The following DNAH2 variants were observed in gnomAD, a reference collection of about 807,000 sequenced individuals.
DNAH2 encodes axonemal beta dynein heavy chain 2.
Under a neutral mutation model 523.5 loss-of-function variants are expected in DNAH2, and 323 were observed. The observed-to-expected ratio is 0.62, with a 90% CI of 0.56 to 0.68. The LOEUF (loss-of-function observed/expected upper bound fraction) is 0.68, where lower values mean the gene tolerates loss of function less well. Ranked by LOEUF, DNAH2 falls within the 30% of genes least tolerant of loss-of-function variation. The probability of loss-of-function intolerance (pLI) is 0.00; values close to 1 mark genes in which losing one functional copy is unlikely to be tolerated. For missense variants in DNAH2, 4,907 were observed against 5,701.5 expected (o/e 0.86, Z 4.49); for synonymous variants, 2,093 against 2,177.4 (o/e 0.96, Z 1.08).
intron 4 of DNAH2, among the ~76,000 whole-genome samples, chr17:7,728,764 C>A (rs1353445196): frequency 6.6e-6 from 1 of 152,124 alleles, no homozygotes; most frequent in Non-Finnish European, 1.5e-5. Flanking sequence ...GCAGGCTGAT[C>A]GCTTGAGCCT....
At chr17:7,764,609 C>T (rs1424474298) in intron 20 of DNAH2, among the ~76,000 whole-genome samples, 2 of 151,280 alleles carry the variant, frequency 1.3e-5, no homozygotes, top group Admixed American at 6.6e-5. Flanking sequence ...CACAGGCACA[C>T]GCCACCACGC....
At chr17:7,768,324 A>G (rs935973831) in intron 24 of DNAH2, 57 bp downstream of exon 24, 146 of 1,571,646 alleles carry the variant, frequency 9.3e-5, no homozygotes, top group Non-Finnish European at 1.2e-4. Context: ...CTGCGCCACC[A>G]CTTGGTCCCT....
chr17:7,765,680 G>A (rs946789422), intron 21 of DNAH2, 115 bp downstream of exon 21: 1 of 1,245,996 alleles, frequency 8.0e-7, no homozygotes, highest in East Asian at 2.4e-5. Context: ...TCGGTGCTGG[G>A]GTGGGGGAAG....
chr17:7,765,417 C>G lies in DNAH2; in HGVS notation c.3363C>G (p.Asn1121Lys), dbSNP rs201677291. The change falls in exon 21 of 86, where the codon AAC (asparagine) becomes AAG (lysine). Residue 1121 changes from asparagine to lysine, a missense_variant. This residue lies in a region of DNAH2 where 2,806 missense variants were observed against 3,190.8 expected (regional missense o/e 0.88). Transcript: ENST00000572933. ...DSVLEMLDSL[N>K]GEWVVFQQTL... is the part of the protein sequence containing the mutation. Reference sequence around the variant, plus strand: ...TCCTGGAGATGCTGGACAGTCTCAACGGGGAGTGGGTTGTCTTCCAACAAA... The same window carrying G: ...TCCTGGAGATGCTGGACAGTCTCAAGGGGGAGTGGGTTGTCTTCCAACAAA... The G allele has an allele frequency of 7.4e-6, 12 of 1,613,634 alleles. 1 individual carries two copies. The highest frequency in any genetic ancestry group is 1.6e-4 in the Middle Eastern group (1 of 6,080).
chr17:7,831,833 GC>G lies in DNAH2; in HGVS notation c.12726+64del, dbSNP rs997576675. ...CAATGAGCTCCCCTCTCAATCCTGGGCCCCCCAATCTCCTGGTTCTAGGTGG... is the reference window on the plus strand; with the variant it reads ...CAATGAGCTCCCCTCTCAATCCTGGGCCCCCAATCTCCTGGTTCTAGGTGG... On this transcript the variant is annotated intron_variant, in intron 82 of 85. Transcript: ENST00000572933. The surrounding 1 kb of genome is among the most constrained non-coding windows in gnomAD (Gnocchi z 4.2). 108 of 1,504,210 alleles carry G rather than the reference GC, an allele frequency of 7.2e-5. No individual in the cohort carries two copies. The African/African-American group carries it at 1.2e-3, about 16-fold the overall frequency. 93.2% of individuals were successfully genotyped at this position (1,504,210 alleles called of 1,614,324 possible).
intron 53 of DNAH2, 34 bp downstream of exon 53, chr17:7,797,863 C>A (rs1324468961): frequency 3.8e-6 from 6 of 1,583,796 alleles, no homozygotes. Context: ...CCTTCCCCAT[C>A]ATCTCAGTGA....
chr17:7,732,942 G>C (rs113498896), intron 4 of DNAH2, 145 bp from the exon 5 acceptor site: 42 of 724,228 alleles, frequency 5.8e-5, no homozygotes, highest in African/African-American at 3.2e-4. Context: ...TCCGTGAAAA[G>C]AACAGGAAGC....
At chr17:7,736,339 G>T (rs1172289176) in intron 7 of DNAH2, among the ~76,000 whole-genome samples, 3 of 152,224 alleles carry the variant, frequency 2.0e-5, no homozygotes, top group Non-Finnish European at 2.9e-5. Flanking sequence ...CTAACTGGAG[G>T]AGCCTAAAGC....
chr17:7,820,746 T>C (rs1161618326), intron 72 of DNAH2, among the ~76,000 whole-genome samples: 1 of 152,056 alleles, frequency 6.6e-6, no homozygotes, highest in African/African-American at 2.4e-5. Flanking sequence ...GAATGACTAA[T>C]TATGAGTGAA....
At chr17:7,816,118 G>C (rs2077658373) in intron 63 of DNAH2, among the ~76,000 whole-genome samples, 1 of 152,136 alleles carries the variant, frequency 6.6e-6, no homozygotes, top group Admixed American at 6.5e-5. Flanking sequence ...GTCTCGAATG[G>C]ACTCTCCCTC....
chr17:7,748,522 G>T (rs2075579414), intron 12 of DNAH2, among the ~76,000 whole-genome samples: 2 of 152,138 alleles, frequency 1.3e-5, no homozygotes, highest in Non-Finnish European at 2.9e-5. Flanking sequence ...TTGAGACAAG[G>T]TCTCACTGTG....
chr17:7,802,115 A>G, intron 58 of DNAH2, 98 bp downstream of exon 58: 6 of 1,499,758 alleles, frequency 4.0e-6, no homozygotes, highest in Non-Finnish European at 5.4e-6. Flanking sequence ...AGAGACACAA[A>G]GGCCACAGTT....
rs1325517226 is a variant in DNAH2 at position 7,827,647 on chromosome 17, T to A, written c.11854-2653T>A. On this transcript the variant is annotated intron_variant, in intron 77 of 85. Coordinates refer to ENST00000572933, the MANE Select transcript of DNAH2 (RefSeq NM_020877.5). ...TTTTTGTAGAGACGGGGTTTCACCA[T>A]GTTGACCAGGCTGGTCTCGAACTTC... Among the ~76,000 whole-genome samples the A allele has an allele frequency of 2.6e-5, 4 of 152,026 alleles. No individual in the cohort carries two copies. The South Asian group carries it at 8.3e-4, about 31-fold the overall frequency.
rs1388435581 is a variant in DNAH2, at chr17:7,734,629, T to C, written c.899T>C (p.Val300Ala). ...GISKQLVKKGVKHVESILHLA... is the reference protein window; with the variant it reads ...GISKQLVKKGAKHVESILHLA... ...AGTAAGCAGCTGGTGAAGAAGGGAG[T>C]GAAGCACGTTGAATCCATCCTGCAC... is the stretch of plus-strand genomic sequence containing the variant. Residue 300 changes from valine (V) to alanine (A), a missense_variant, in exon 7 of 86, where the codon GTG becomes GCG. Around this residue, in one of 3 missense-constraint regions of DNAH2, gnomAD observed 2,806 missense variants for 3,190.8 expected, o/e 0.88. Coordinates refer to ENST00000572933, the MANE Select transcript of DNAH2 (RefSeq NM_020877.5). 1 of 1,612,118 alleles carries C rather than the reference T, an allele frequency of 6.2e-7. No homozygotes were observed. The highest frequency in any genetic ancestry group is 8.5e-7 in the Non-Finnish European group (1 of 1,179,760).
intron 58 of DNAH2, among the ~76,000 whole-genome samples, chr17:7,803,664 C>T (rs1300833843): frequency 1.3e-5 from 2 of 148,814 alleles, no homozygotes; most frequent in Non-Finnish European, 3.0e-5. Flanking sequence ...ATCGAGACTC[C>T]GTCTCAAAAA....
intron 63 of DNAH2, among the ~76,000 whole-genome samples, chr17:7,812,924 C>T (rs577517856): frequency 7.0e-4 from 105 of 150,644 alleles, no homozygotes; most frequent in African/African-American, 2.4e-3. Context: ...GCACTCCAGC[C>T]TGAGTGACAA....
chr17:7,723,648 C>G lies in DNAH2; in HGVS notation c.187C>G (p.Gln63Glu). 6.2e-7 allele frequency: 1 copy of G among 1,614,024 alleles called. No individual in the cohort carries two copies. Among genetic ancestry groups the G allele is most frequent in the Non-Finnish European group, 8.5e-7 (1 of 1,179,988 alleles). ...EEPEPRLEGP[Q>E]AQSEESVEPE... ...CCTAGAGCCACGGTTGGAGGGACCT[C>G]AAGCACAGAGTGAAGAATCAGTGGA... The change falls in exon 3 of 86, where the codon CAA (glutamine) becomes GAA (glutamate). Residue 63 changes from glutamine (Q) to glutamate (E), a missense_variant. Physicochemically the swap from Gln to Glu is conservative, Grantham distance 29 (BLOSUM62 2). Transcript: ENST00000572933.
At position 7,759,625 on chromosome 17, in the gene DNAH2, G is replaced by A. The variant is rs1399281864; in HGVS notation, c.2637+15G>A. The A allele has an allele frequency of 6.2e-7, 1 of 1,610,246 alleles. No individual in the cohort carries two copies. Among genetic ancestry groups the A allele is most frequent in the Non-Finnish European group, 8.5e-7 (1 of 1,177,966 alleles). On this transcript the variant is annotated intron_variant, in intron 16 of 85. Coordinates refer to ENST00000572933, the MANE Select transcript of DNAH2 (RefSeq NM_020877.5). ...GTGTGGCACAGGTAAGAACCACTTT[G>A]CCCCCAACATCTCAAAACCATTGCA...
At position 7,807,900 on chromosome 17, in the gene DNAH2, C is replaced by G. The variant is rs1597727348; in HGVS notation, c.9729+314C>G. On this transcript the variant is annotated intron_variant, in intron 63 of 85. Coordinates refer to ENST00000572933, the MANE Select transcript of DNAH2 (RefSeq NM_020877.5). The surrounding 1 kb of genome is among the most constrained non-coding windows in gnomAD (Gnocchi z 5.6). ...CGCCTGAGATATTAACTGATGACAT[C>G]TGCGTGGCAAATTGGTCTTTGCCAG... 1.3e-5 allele frequency among the ~76,000 whole-genome samples: 2 copies of G among 152,194 alleles called. No homozygotes were observed. The highest frequency in any genetic ancestry group is 3.8e-4 in the East Asian group (2 of 5,196).
Sources: gnomAD v4.1 joint callset for allele counts (sites outside exome capture counted in the v4.1 genomes callset) on GRCh38, gnomAD v4.1.1 for gene constraint, gnomAD v4.1.1 regional missense constraint, Gnocchi (gnomAD v3.1) non-coding constraint, MANE v1.5 for transcripts, NCBI Gene and HGNC (gene_info 2026-07-23, HGNC 2026-07-21) for gene names.